Variants in ADHFE1 observed in about 807,000 individuals in gnomAD.
ADHFE1 encodes alcohol dehydrogenase iron containing 1.
ADHFE1 carries 37 observed loss-of-function variants against 54.8 expected under a neutral mutation model. The observed-to-expected ratio is 0.68, with a 90% CI of 0.52 to 0.89. ADHFE1 has a LOEUF of 0.89. Among genes scored for constraint, ADHFE1 ranks in the 40% least tolerant of loss-of-function variants. ADHFE1 has a pLI of 0.00. For synonymous variants in ADHFE1, 203 were observed against 229.3 expected (o/e 0.89, Z 1.04); for missense variants, 601 against 591.2 (o/e 1.02, Z -0.17).
chr8:66,442,540 T>C (rs1244182268), intron 2 of ADHFE1, among the ~76,000 whole-genome samples: 1 of 152,104 alleles, frequency 6.6e-6, no homozygotes, highest in Non-Finnish European at 1.5e-5. Context: ...CTCGATCTCC[T>C]GACCTCGTGA....
rs1805648789 is a variant in ADHFE1, at chr8:66,439,732, T to C, written c.60-430T>C. On this transcript the variant is annotated intron_variant, in intron 1 of 13. Coordinates refer to ENST00000396623, the MANE Select transcript of ADHFE1 (RefSeq NM_144650.3). The surrounding 1 kb of genome is among the most constrained non-coding windows in gnomAD (Gnocchi z 4.4). ...CATCTTGAAGACACTGGGAAATATA[T>C]AAGGCAAGTTCCCAGCATAGGGTAG... The C allele has an allele frequency of 3.0e-6, 3 of 997,150 alleles. No homozygotes were observed. Among genetic ancestry groups the C allele is most frequent in the African/African-American group, 1.7e-5 (1 of 57,500 alleles). 61.8% of individuals were successfully genotyped at this position (997,150 alleles called of 1,614,324 possible).
chr8:66,457,266 C>T, intron 12 of ADHFE1, 100 bp downstream of exon 12: 1 of 1,102,664 alleles, frequency 9.1e-7, no homozygotes, highest in Non-Finnish European at 1.3e-6. Context: ...ATCACTTGAG[C>T]CCAGGAGTTC....
At chr8:66,455,012 C>T (rs758074513) in intron 10 of ADHFE1, among the ~76,000 whole-genome samples, 1 of 152,224 alleles carries the variant, frequency 6.6e-6, no homozygotes, top group Non-Finnish European at 1.5e-5. Flanking sequence ...CCACCACGCC[C>T]AGCCTACTTT....
chr8:66,466,031 A>G (rs1279750145), intron 13 of ADHFE1, among the ~76,000 whole-genome samples: 1 of 136,192 alleles, frequency 7.3e-6, no homozygotes, highest in African/African-American at 2.9e-5. Context: ...TATTCAGCCT[A>G]GTTTATCTGT....
At chr8:66,465,996 T>C (rs1807156843) in intron 13 of ADHFE1, among the ~76,000 whole-genome samples, 1 of 152,116 alleles carries the variant, frequency 6.6e-6, no homozygotes, top group African/African-American at 2.4e-5. Flanking sequence ...ACCATGTCCT[T>C]TGATGCACAA....
intron 1 of ADHFE1, 169 bp downstream of exon 1, chr8:66,432,744 C>G (rs1053471208): frequency 1.3e-5 from 16 of 1,231,660 alleles, no homozygotes; most frequent in African/African-American, 4.7e-5. Flanking sequence ...AGCGAGGTCA[C>G]AGAGTGCGCG....
At chr8:66,453,859 C>G in intron 9 of ADHFE1, 200 bp from the exon 10 acceptor site, 1 of 1,496,764 alleles carries the variant, frequency 6.7e-7, no homozygotes. Flanking sequence ...TATGCCTTTG[C>G]TGAAACAGTT....
intron 10 of ADHFE1, among the ~76,000 whole-genome samples, chr8:66,455,175 A>G (rs1806513352): frequency 6.6e-6 from 1 of 152,170 alleles, no homozygotes; most frequent in Admixed American, 6.5e-5. Flanking sequence ...GTCATATGGT[A>G]ATTCTGTGTT....
chr8:66,435,834 C>T (rs959390643), intron 1 of ADHFE1, among the ~76,000 whole-genome samples: 4 of 151,612 alleles, frequency 2.6e-5, no homozygotes, highest in Non-Finnish European at 5.9e-5. Flanking sequence ...TTCTTGAACT[C>T]CTGGCCCCAA....
rs201762144 is a variant in ADHFE1, at chr8:66,444,442, G to A, written c.198+22G>A. 1.4e-5 allele frequency: 23 copies of A among 1,612,404 alleles called. No homozygotes were observed. In the South Asian group the frequency reaches 1.6e-4, roughly 12 times the overall value. On this transcript the variant is annotated intron_variant, in intron 4 of 13. Coordinates refer to ENST00000396623, the MANE Select transcript of ADHFE1 (RefSeq NM_144650.3). ...AATGGCAAGTATTCGAGATGTCTAC[G>A]GTCTCCTACTGTAAATGTTACATAT...
intron 11 of ADHFE1, 28 bp from the exon 12 acceptor site, chr8:66,457,042 C>A: frequency 6.2e-7 from 1 of 1,602,000 alleles, no homozygotes; most frequent in Non-Finnish European, 8.5e-7. Flanking sequence ...TTGTCATCTG[C>A]CGGTCACCGC....
intron 1 of ADHFE1, among the ~76,000 whole-genome samples, chr8:66,436,396 G>C (rs1805469415): frequency 6.7e-6 from 1 of 148,408 alleles, no homozygotes; most frequent in Non-Finnish European, 1.5e-5. Context: ...CTTCAGGGAA[G>C]GTATGCAGAG....
At chr8:66,454,204 A>G (rs758786763) in intron 10 of ADHFE1, 47 bp downstream of exon 10, 1 of 1,583,750 alleles carries the variant, frequency 6.3e-7, no homozygotes, top group South Asian at 1.1e-5. Flanking sequence ...TATTGCTTTA[A>G]AAAATTTTTA....
At position 66,454,761 on chromosome 8, in the gene ADHFE1, T is replaced by C. The variant is rs573342972; in HGVS notation, c.986+604T>C. 1.6e-4 allele frequency among the ~76,000 whole-genome samples: 25 copies of C among 152,240 alleles called. 2 individuals carry two copies. The South Asian group carries it at 4.2e-3, about 25-fold the overall frequency. ...TGGAGTCTCACTCTGTTGTCCAGAC[T>C]GGAGTGCGATGGCGCAGTCTTGGCT... On this transcript the variant is annotated intron_variant, in intron 10 of 13. Transcript: ENST00000396623.
At chr8:66,468,130 A>G (rs1366198298) in intron 13 of ADHFE1, 139 bp from the exon 14 acceptor site, 7 of 589,392 alleles carry the variant, frequency 1.2e-5, no homozygotes, top group Admixed American at 3.1e-5. Flanking sequence ...CATATGAAGT[A>G]TACAAGAAAT....
chr8:66,444,704 C>T lies in ADHFE1; in HGVS notation c.309C>T (p.Pro103=), dbSNP rs1286344075. Residue 103 remains proline (P), a synonymous_variant, in exon 5 of 14, where the codon CCC becomes CCT. Coordinates refer to ENST00000396623, the MANE Select transcript of ADHFE1 (RefSeq NM_144650.3). ...AMDSLVKNGI[P]FTVYDNVRVE... is the part of the protein sequence containing the mutation. ...ATTCCCTAGTGAAGAATGGCATCCC[C>T]TTTACGGTTTATGATAATGTGAGAG... The T allele has an allele frequency of 6.2e-7, 1 of 1,614,114 alleles. No homozygotes were observed. Among genetic ancestry groups the T allele is most frequent in the Non-Finnish European group, 8.5e-7 (1 of 1,180,044 alleles).
intron 12 of ADHFE1, among the ~76,000 whole-genome samples, chr8:66,458,393 C>T (rs1158358086): frequency 2.6e-5 from 4 of 152,186 alleles, no homozygotes; most frequent in Non-Finnish European, 4.4e-5. Flanking sequence ...GGGCCAGGGG[C>T]TCCATTTCCC....
intron 3 of ADHFE1, 76 bp downstream of exon 3, chr8:66,442,920 T>C: frequency 5.8e-6 from 7 of 1,204,794 alleles, no homozygotes; most frequent in Non-Finnish European, 8.1e-6. Flanking sequence ...GCTAATGAAT[T>C]ATTATTTTAT....
chr8:66,453,648 GAGAA>G, intron 9 of ADHFE1: 1 of 1,342,860 alleles, frequency 7.4e-7, no homozygotes, highest in Middle Eastern at 2.1e-4. Flanking sequence ...GTGTCTCAGA[GAGAA>G]AGAGCGCTGG....
Sources: allele counts gnomAD v4.1 joint callset (sites outside exome capture counted in the v4.1 genomes callset), GRCh38; gene constraint gnomAD v4.1.1; non-coding constraint Gnocchi (gnomAD v3.1); transcripts MANE v1.5; gene names NCBI Gene and HGNC (gene_info 2026-07-23, HGNC 2026-07-21).